The following ADAMTS16 variants were observed in gnomAD, a reference collection of about 807,000 sequenced individuals.
ADAMTS16 encodes ADAM metallopeptidase with thrombospondin type 1 motif 16, also known as A disintegrin and metalloproteinase with thrombospondin motifs 16.
In ADAMTS16, 94 loss-of-function variants were observed where a neutral mutation model predicts 145.8. The observed-to-expected ratio is 0.64, with a 90% confidence interval of 0.55 to 0.77. ADAMTS16 has a LOEUF of 0.77. Among genes scored for constraint, ADAMTS16 ranks in the 30% least tolerant of loss-of-function variants. The pLI, the probability that ADAMTS16 is intolerant of heterozygous loss-of-function variation, is 0.00. For missense variants in ADAMTS16, 1,585 were observed against 1,591.5 expected (o/e 1.00, Z 0.07); for synonymous variants, 659 against 604.3 (o/e 1.09, Z -1.33).
At chr5:5,187,384 G>T (rs1218005549) in intron 5 of ADAMTS16, among the ~76,000 whole-genome samples, 1 of 151,890 alleles carries the variant, frequency 6.6e-6, no homozygotes, top group Non-Finnish European at 1.5e-5. Flanking sequence ...AGTTTCTCTT[G>T]CACTTATGGA....
intron 3 of ADAMTS16, among the ~76,000 whole-genome samples, chr5:5,174,553 T>C (rs1735137178): frequency 6.6e-6 from 1 of 152,188 alleles, no homozygotes; most frequent in Admixed American, 6.5e-5. Context: ...TCTCTCTCTC[T>C]GCCTTCTCTT....
At chr5:5,242,778 A>G (rs186728960) in intron 17 of ADAMTS16, among the ~76,000 whole-genome samples, 4 of 152,372 alleles carry the variant, frequency 2.6e-5, no homozygotes, top group African/African-American at 9.6e-5. Context: ...GCTCACATTT[A>G]TATCGGTAAA....
intron 11 of ADAMTS16, among the ~76,000 whole-genome samples, chr5:5,231,558 C>T (rs1051509447): frequency 6.6e-6 from 1 of 152,104 alleles, no homozygotes; most frequent in African/African-American, 2.4e-5. Flanking sequence ...GGACAAGAGA[C>T]AAACATCTTC....
At chr5:5,316,947 C>T (rs4074589) in intron 21 of ADAMTS16, among the ~76,000 whole-genome samples, 4,822 of 152,312 alleles carry the variant, frequency 0.032, 245 homozygotes, top group African/African-American at 0.11. Flanking sequence ...CATTGACACA[C>T]TCAAAAATAC....
At chr5:5,149,754 G>A (rs1734399240) in intron 3 of ADAMTS16, among the ~76,000 whole-genome samples, 1 of 152,180 alleles carries the variant, frequency 6.6e-6, no homozygotes, top group Non-Finnish European at 1.5e-5. Context: ...ATCCTAGGTA[G>A]TATAGGTTTG....
Position 5,242,034 on chromosome 5 carries a change from C to T in ADAMTS16, c.2524-19C>T, listed in dbSNP as rs1319513194. 3.1e-6 allele frequency: 5 copies of T among 1,612,662 alleles called. No homozygotes were observed. The African/African-American group carries it at 5.3e-5, about 17-fold the overall frequency. On this transcript the variant is annotated intron_variant, in intron 16 of 22. Coordinates refer to ENST00000274181, the MANE Select transcript of ADAMTS16 (RefSeq NM_139056.4). ...TTTGCATTAATTTGTTTTATTTTTT[C>T]CCCTTTCTTATTTTGTAGCTGCTGT... is the stretch of plus-strand genomic sequence containing the variant.
intron 3 of ADAMTS16, among the ~76,000 whole-genome samples, chr5:5,154,311 G>A (rs1261980344): frequency 6.6e-6 from 1 of 152,118 alleles, no homozygotes; most frequent in Non-Finnish European, 1.5e-5. Flanking sequence ...CAAAGCTGGT[G>A]GTGACTAGGA....
chr5:5,191,608 G>A (rs144829154), intron 7 of ADAMTS16, 77 bp from the exon 8 acceptor site: 902 of 1,202,248 alleles, frequency 7.5e-4, no homozygotes, highest in Non-Finnish European at 9.9e-4. Context: ...ATTTCACTAA[G>A]GGGTAGAAAA....
At chr5:5,241,902 G>A in intron 16 of ADAMTS16, 151 bp from the exon 17 acceptor site, 1 of 985,774 alleles carries the variant, frequency 1.0e-6, no homozygotes, top group African/African-American at 1.6e-5. Flanking sequence ...GAAATTTTAT[G>A]TAAAGTTTGG....
chr5:5,212,214 G>T (rs191013743), intron 10 of ADAMTS16, among the ~76,000 whole-genome samples: 25,083 of 99,898 alleles, frequency 0.25, 2,916 homozygotes, highest in South Asian at 0.34. Flanking sequence ...GTTTTGTTTT[G>T]TTTTTTTTTT....
rs1421634981 is a variant in ADAMTS16, at chr5:5,319,837, T to C, written c.*699T>C. 3.1e-5 allele frequency: 14 copies of C among 454,700 alleles called. No homozygotes were observed. Among genetic ancestry groups the C allele is most frequent in the Non-Finnish European group, 6.2e-5 (14 of 226,526 alleles). The allele number at this position is 454,700 out of a possible 1,614,324, so 28.2% of individuals were successfully genotyped here. On this transcript the variant is annotated 3_prime_UTR_variant, in exon 23 of 23. Transcript: ENST00000274181. ...GGTGCTTCTATCTCTTTCAGATTCA[T>C]GCATTGAAGGAGAGATTTTTTATAC... is the stretch of plus-strand genomic sequence containing the variant.
In ADAMTS16 at chr5:5,319,941, T is replaced by C. The variant is rs1054580379; in HGVS notation, c.*803T>C. ...ACTTCTTCATGCTTTTCTTTGTAAA[T>C]GACAGATCGAAGTATAGGTTACATC... On this transcript the variant is annotated 3_prime_UTR_variant, in exon 23 of 23. Coordinates refer to ENST00000274181, the MANE Select transcript of ADAMTS16 (RefSeq NM_139056.4). 8 of 454,838 alleles carry C rather than the reference T, an allele frequency of 1.8e-5. No individual in the cohort carries two copies. Among genetic ancestry groups the C allele is most frequent in the Admixed American group, 1.4e-4 (6 of 42,548 alleles). 28.2% of individuals were successfully genotyped at this position (454,838 alleles called of 1,614,324 possible). A position where few individuals can be genotyped will look rare whatever the true frequency, so the allele number is the denominator to read the frequency against.
intron 11 of ADAMTS16, among the ~76,000 whole-genome samples, chr5:5,223,902 G>A (rs1736678968): frequency 6.6e-6 from 1 of 150,632 alleles, no homozygotes; most frequent in African/African-American, 2.4e-5. Flanking sequence ...TGATATTTAG[G>A]CATTGATCTA....
chr5:5,146,463 C>T lies in ADAMTS16; in HGVS notation c.501+8C>T, dbSNP rs774574462. ...TCAACCTGCCAAGGCTTGGTGAGTA[C>T]AGCGCAAGCCCCAGGTAGGGAGGCG... On this transcript the variant is annotated splice_region_variant and intron_variant, in intron 3 of 22. Coordinates refer to ENST00000274181, the MANE Select transcript of ADAMTS16 (RefSeq NM_139056.4). The T allele has an allele frequency of 1.8e-5, 28 of 1,586,724 alleles. No individual in the cohort carries two copies. Among genetic ancestry groups the T allele is most frequent in the African/African-American group, 5.4e-5 (4 of 74,148 alleles).
intron 9 of ADAMTS16, among the ~76,000 whole-genome samples, chr5:5,207,141 G>T (rs1736149302): frequency 6.6e-6 from 1 of 152,182 alleles, no homozygotes; most frequent in African/African-American, 2.4e-5. Context: ...AAAATGGGAA[G>T]AACTAATCTC....
chr5:5,220,164 T>TG (rs1579319612), intron 10 of ADAMTS16, among the ~76,000 whole-genome samples: 2 of 137,426 alleles, frequency 1.5e-5, no homozygotes, highest in Non-Finnish European at 3.2e-5. Flanking sequence ...AACTTTTTTT[T>TG]TTTTTTTTTT....
At chr5:5,177,860 C>G (rs766438785) in intron 3 of ADAMTS16, among the ~76,000 whole-genome samples, 5 of 152,066 alleles carry the variant, frequency 3.3e-5, no homozygotes, top group Non-Finnish European at 4.4e-5. Context: ...ATAGGTGGCT[C>G]TCATGAATAG....
At position 5,235,072 on chromosome 5, in the gene ADAMTS16, A is replaced by G; in HGVS notation, c.1909A>G (p.Ser637Gly). 1.9e-6 allele frequency: 3 copies of G among 1,605,284 alleles called. No individual in the cohort carries two copies. The highest frequency in any genetic ancestry group is 2.6e-6 in the Non-Finnish European group (3 of 1,172,896). The change falls in exon 13 of 23, where the codon AGT (serine) becomes GGT (glycine). Residue 637 changes from serine to glycine, a missense_variant. Around this residue, in one of 3 missense-constraint regions of ADAMTS16, gnomAD observed 834 missense variants for 811.7 expected, o/e 1.03. Coordinates refer to ENST00000274181, the MANE Select transcript of ADAMTS16 (RefSeq NM_139056.4). ...CACTCGCACTCTGAAGCTCTGCAAC[A>G]GTCAGAAATGTCCCCGGGACAGTGT... is the stretch of plus-strand genomic sequence containing the variant. ...GSTRTLKLCN[S>G]QKCPRDSVDF... is the part of the protein sequence containing the mutation.
Position 5,140,661 on chromosome 5 carries a change from C to T in ADAMTS16, c.73-3C>T, listed in dbSNP as rs1734135405. Reference sequence around the variant, plus strand: ...ACCGCGATGTCGCCGCTGTTTTCCGCAGGCACCTGCGTGCGCCATGGGACC... The same window carrying T: ...ACCGCGATGTCGCCGCTGTTTTCCGTAGGCACCTGCGTGCGCCATGGGACC... On this transcript the variant is annotated splice_region_variant and splice_polypyrimidine_tract_variant and intron_variant, in intron 1 of 22. Transcript: ENST00000274181. The T allele has an allele frequency of 1.9e-6, 3 of 1,546,688 alleles. No individual in the cohort carries two copies. The East Asian group carries it at 7.2e-5, about 37-fold the overall frequency.
Sources: gnomAD v4.1 joint callset for allele counts (sites outside exome capture counted in the v4.1 genomes callset) on GRCh38, gnomAD v4.1.1 for gene constraint, gnomAD v4.1.1 regional missense constraint, MANE v1.5 for transcripts, NCBI Gene and HGNC (gene_info 2026-07-23, HGNC 2026-07-21) for gene names.